CHUK: variants seen among roughly 807,000 people sequenced by gnomAD.
The protein encoded by CHUK is inhibitor of nuclear factor kappa-B kinase subunit alpha.
Under a neutral mutation model 104.8 loss-of-function variants are expected in CHUK, and 35 were observed. The ratio of observed to expected loss-of-function variants is 0.33; its 90% CI spans 0.26 to 0.44. The LOEUF is 0.44. Ranked by LOEUF, CHUK falls within the 20% of genes least tolerant of loss-of-function variation. The pLI is 1.00. For synonymous variants in CHUK, 276 were observed against 291.9 expected (o/e 0.95, Z 0.56); for missense variants, 663 against 902.7 (o/e 0.73, Z 3.40).
rs994973833 is a variant in CHUK, at chr10:100,188,478, C to G, written c.*1120G>C. The G allele has an allele frequency of 3.3e-5, 5 of 152,672 alleles. No individual in the cohort carries two copies. The highest frequency in any genetic ancestry group is 1.2e-4 in the African/African-American group (5 of 41,544). 9.5% of individuals were successfully genotyped at this position (152,672 alleles called of 1,614,324 possible). On this transcript the variant is annotated 3_prime_UTR_variant, in exon 21 of 21. Coordinates refer to ENST00000370397, the MANE Select transcript of CHUK (RefSeq NM_001278.5). ...AAATTACTTAGCAGATGATAGAGGT[C>G]CACAGTCCTTTCTCTGAAACCCTTG...
chr10:100,193,842 A>G (rs1356099231), intron 18 of CHUK, 142 bp downstream of exon 18: 6 of 736,750 alleles, frequency 8.1e-6, no homozygotes, highest in Non-Finnish European at 1.4e-5. Context: ...TAGTCTGGAC[A>G]CCAAGCAAGG....
At chr10:100,215,983 T>C (rs1280378142) in intron 9 of CHUK, among the ~76,000 whole-genome samples, 1 of 152,208 alleles carries the variant, frequency 6.6e-6, no homozygotes, top group Non-Finnish European at 1.5e-5. Flanking sequence ...CATACCTTAT[T>C]CTGCATAACC....
intron 19 of CHUK, among the ~76,000 whole-genome samples, chr10:100,191,481 G>A (rs1845202412): frequency 6.6e-6 from 1 of 152,170 alleles, no homozygotes; most frequent in Admixed American, 6.5e-5. Context: ...GCAATGAAAC[G>A]AAACAAGCAA....
At chr10:100,220,788 TC>T in intron 4 of CHUK, 112 bp from the exon 5 acceptor site, 1 of 710,534 alleles carries the variant, frequency 1.4e-6, no homozygotes, top group Non-Finnish European at 2.5e-6. Context: ...ATATGGATCA[TC>T]GTAACTACAC....
Position 100,193,426 on chromosome 10 carries a change from C to T in CHUK, c.1980G>A (p.Gln660=). Residue 660 remains glutamine, a synonymous_variant, in exon 19 of 21, where the codon CAG becomes CAA. Transcript: ENST00000370397. The stretch of plus-strand genomic sequence containing the variant: ...ATCCTACAAGGGACCGGGCAGAACT[C>T]TGTGTCTGAAGGAAAAGAAAAAAAC... ...IWHLLKIACT[Q]SSARSLVGSS... 1 of 1,614,102 alleles carries T rather than the reference C, an allele frequency of 6.2e-7. No homozygotes were observed. Among genetic ancestry groups the T allele is most frequent in the African/African-American group, 1.3e-5 (1 of 75,034 alleles).
intron 14 of CHUK, among the ~76,000 whole-genome samples, 153 bp downstream of exon 14, chr10:100,201,935 T>C (rs752418109): frequency 1.3e-4 from 20 of 152,224 alleles, no homozygotes; most frequent in African/African-American, 7.2e-5. Context: ...ATCACTATGA[T>C]ACATCCCTCT....
intron 9 of CHUK, among the ~76,000 whole-genome samples, chr10:100,215,485 A>C (rs1845834830): frequency 6.6e-6 from 1 of 151,936 alleles, no homozygotes; most frequent in Admixed American, 6.6e-5. Flanking sequence ...CCAAGAAGAG[A>C]CTCAGAATAT....
rs143784423 is a variant in CHUK at position 100,204,961 on chromosome 10, A to T, written c.1355+115T>A. ...AGTTTATCAGAACATTACACTTCAA[A>T]TTGGCCCAGTATGTTACTATTACAT... On this transcript the variant is annotated intron_variant, in intron 12 of 20. Transcript: ENST00000370397. 257 of 1,189,980 alleles carry T rather than the reference A, an allele frequency of 2.2e-4. 1 individual carries two copies. In the African/African-American group the frequency reaches 3.1e-3, roughly 14 times the overall value. The allele number at this position is 1,189,980 out of a possible 1,614,324, so 73.7% of individuals were successfully genotyped here.
At chr10:100,220,717 ATT>A (rs774302238) in intron 4 of CHUK, 41 bp from the exon 5 acceptor site, 27 of 1,336,384 alleles carry the variant, frequency 2.0e-5, no homozygotes, top group Middle Eastern at 1.9e-4. Context: ...AACAGAAATC[ATT>A]GAGTTAAAAG....
intron 10 of CHUK, among the ~76,000 whole-genome samples, chr10:100,207,900 A>G (rs928528188): frequency 5.9e-5 from 9 of 152,008 alleles, no homozygotes; most frequent in African/African-American, 1.9e-4. Flanking sequence ...GTCAGTGACA[A>G]GTTAATAAAA....
At chr10:100,218,648 C>A (rs1426324759) in intron 8 of CHUK, 70 bp downstream of exon 8, 1 of 986,572 alleles carries the variant, frequency 1.0e-6, no homozygotes, top group Non-Finnish European at 1.6e-6. Context: ...TTGAAACAGA[C>A]AACTACTCTC....
chr10:100,210,091 A>ATTTATTTATTTATTT (rs58570772), intron 9 of CHUK, among the ~76,000 whole-genome samples: 9 of 121,798 alleles, frequency 7.4e-5, no homozygotes, highest in Non-Finnish European at 1.8e-5. Context: ...TTATTTATTT[A>ATTTATTTATTTATTT]TTTTTTTTTT....
At chr10:100,209,542 G>T in intron 10 of CHUK, 53 bp downstream of exon 10, 2 of 1,132,914 alleles carry the variant, frequency 1.8e-6, no homozygotes, top group Non-Finnish European at 1.3e-6. Context: ...TGCAGGGCAC[G>T]CAATCCCTCT....
At chr10:100,209,825 TA>T (rs777440546) in intron 9 of CHUK, 36 bp from the exon 10 acceptor site, 16 of 947,986 alleles carry the variant, frequency 1.7e-5, no homozygotes, top group Non-Finnish European at 2.7e-5. Context: ...AGTTATTGAT[TA>T]TTTGTTACAT....
At chr10:100,219,196 T>G in intron 6 of CHUK, 64 bp from the exon 7 acceptor site, 1 of 1,578,656 alleles carries the variant, frequency 6.3e-7, no homozygotes, top group Non-Finnish European at 8.7e-7. Context: ...ATTTTTGACC[T>G]ACTATATTCA....
downstream of CHUK, chr10:100,186,865 T>C (rs1196405051): frequency 6.6e-6 from 1 of 152,016 alleles, no homozygotes; most frequent in Non-Finnish European, 1.5e-5. Context: ...TGGACTAGGG[T>C]TGTAAAGTCC....
chr10:100,188,359 C>T lies in CHUK; in HGVS notation c.*1239G>A, dbSNP rs1283986541. On this transcript the variant is annotated 3_prime_UTR_variant, in exon 21 of 21. Coordinates refer to ENST00000370397, the MANE Select transcript of CHUK (RefSeq NM_001278.5). ...TCTGATTTTTATAATGAATAGAGATCAAGAAAGTAATTTAAAAACCATTTA... is the reference window on the plus strand; with the variant it reads ...TCTGATTTTTATAATGAATAGAGATTAAGAAAGTAATTTAAAAACCATTTA... The T allele has an allele frequency of 6.6e-6, 1 of 152,454 alleles. No individual in the cohort carries two copies. The highest frequency in any genetic ancestry group is 1.5e-5 in the Non-Finnish European group (1 of 67,984). The allele number at this position is 152,454 out of a possible 1,614,324, so 9.4% of individuals were successfully genotyped here.
chr10:100,203,917 T>C (rs1272693936), intron 13 of CHUK, among the ~76,000 whole-genome samples: 1 of 152,136 alleles, frequency 6.6e-6, no homozygotes, highest in East Asian at 1.9e-4. Flanking sequence ...ACAACAGAAA[T>C]TTATTTCTTA....
chr10:100,218,016 C>G lies in CHUK; in HGVS notation c.912G>C (p.Met304Ile). 1 of 1,614,052 alleles carries G rather than the reference C, an allele frequency of 6.2e-7. No individual in the cohort carries two copies. The highest frequency in any genetic ancestry group is 1.1e-5 in the South Asian group (1 of 91,084). ...TAACCTTCAAATTCAAAATGTGATC[C>G]ATTAATACAAAACATCTTGGCTGCT... ...TLKQPRCFVLMDHILNLKIVH... is the reference protein window; with the variant it reads ...TLKQPRCFVLIDHILNLKIVH... Residue 304 changes from methionine (M) to isoleucine (I), a missense_variant, in exon 9 of 21, where the codon ATG (methionine) becomes ATC (isoleucine). Transcript: ENST00000370397.
Sources: allele counts gnomAD v4.1 joint callset (sites outside exome capture counted in the v4.1 genomes callset), GRCh38; gene constraint gnomAD v4.1.1; transcripts MANE v1.5; gene names NCBI Gene and HGNC (gene_info 2026-07-23, HGNC 2026-07-21).